CDH3: variants seen among roughly 807,000 people sequenced by gnomAD.
CDH3 encodes the protein cadherin 3.
A neutral mutation model predicts 82.0 loss-of-function variants in CDH3; 54 were observed. That is an observed-to-expected ratio of 0.66 (90% CI 0.53 to 0.83). The LOEUF (loss-of-function observed/expected upper bound fraction) is 0.83, where lower values mean the gene tolerates loss of function less well. Ranked by LOEUF, CDH3 falls within the 40% of genes least tolerant of loss-of-function variation. The pLI is 0.00. For synonymous variants in CDH3, 446 were observed against 437.9 expected (o/e 1.02, Z -0.23); for missense variants, 1,054 against 1,084.6 (o/e 0.97, Z 0.40).
At position 68,699,032 on chromosome 16, in the gene CDH3, T is replaced by C. The variant is rs540951746; in HGVS notation, c.*632T>C. On this transcript the variant is annotated 3_prime_UTR_variant, in exon 16 of 16. Transcript: ENST00000264012. The stretch of plus-strand genomic sequence containing the variant: ...TAGAACTTTTTTATTAAAGAAACTT[T>C]TCCCAGAGGTGCCTGGGGAGTGAAC... The C allele has an allele frequency of 6.6e-6, 1 of 152,470 alleles. No homozygotes were observed. Among genetic ancestry groups the C allele is most frequent in the Non-Finnish European group, 1.5e-5 (1 of 68,124 alleles). 9.4% of individuals were successfully genotyped at this position (152,470 alleles called of 1,614,324 possible). A position where few individuals can be genotyped will look rare whatever the true frequency, so the allele number is the denominator to read the frequency against.
intron 1 of CDH3, among the ~76,000 whole-genome samples, chr16:68,717,527 C>T (rs896703732): frequency 6.6e-6 from 1 of 152,272 alleles, no homozygotes; most frequent in East Asian, 1.9e-4. Flanking sequence ...AATTCCAGCG[C>T]TTTGGGAGGC....
intron 13 of CDH3, among the ~76,000 whole-genome samples, chr16:68,694,312 CAAAAAAA>C (rs1162877121): frequency 1.3e-5 from 1 of 74,714 alleles, no homozygotes; most frequent in East Asian, 3.8e-4. Context: ...GACTCCCTCT[CAAAAAAA>C]AAAAAAAAAA....
chr16:68,673,694 GC>G (rs1049962797), intron 2 of CDH3, among the ~76,000 whole-genome samples: 4 of 152,168 alleles, frequency 2.6e-5, no homozygotes, highest in African/African-American at 9.7e-5. Context: ...GGGAGGCCAG[GC>G]GGGTGGATTG....
chr16:68,729,074 G>A (rs572670777), downstream of CDH3, among the ~76,000 whole-genome samples: 1 of 152,242 alleles, frequency 6.6e-6, no homozygotes, highest in East Asian at 1.9e-4. Flanking sequence ...GGAGGCTGAG[G>A]CAGGCAGATC....
At chr16:68,709,995 C>T (rs1567462658) in intron 1 of CDH3, among the ~76,000 whole-genome samples, 1 of 152,252 alleles carries the variant, frequency 6.6e-6, no homozygotes, top group Non-Finnish European at 1.5e-5. Flanking sequence ...TTCCCCGTTT[C>T]CCCCAGATCC....
At chr16:68,648,141 A>G (rs1333631508) in intron 2 of CDH3, among the ~76,000 whole-genome samples, 2 of 152,168 alleles carry the variant, frequency 1.3e-5, no homozygotes, top group African/African-American at 4.8e-5. Context: ...GAAACCCCAT[A>G]GTCTAGCCTT....
downstream of CDH3, among the ~76,000 whole-genome samples, chr16:68,731,047 A>AATATATATATATATATATATATATATAT (rs1212223808): frequency 7.6e-5 from 2 of 26,344 alleles, no homozygotes; most frequent in Non-Finnish European, 1.3e-4. Context: ...AAAAAAAAAA[A>AATATATATATATATATATATATATATAT]ATATATATAT....
downstream of CDH3, among the ~76,000 whole-genome samples, chr16:68,702,941 C>G (rs1417179743): frequency 1.3e-5 from 2 of 152,140 alleles, no homozygotes; most frequent in African/African-American, 4.8e-5. Context: ...CTCATCCTCC[C>G]AGCTTGTATT....
At chr16:68,674,276 A>G (rs1397419071) in intron 2 of CDH3, among the ~76,000 whole-genome samples, 1 of 152,092 alleles carries the variant, frequency 6.6e-6, no homozygotes, top group Admixed American at 6.6e-5. Flanking sequence ...GCATTTCCCT[A>G]TTAACTAATG....
At chr16:68,713,171 T>C (rs1962051111) in intron 1 of CDH3, among the ~76,000 whole-genome samples, 1 of 152,142 alleles carries the variant, frequency 6.6e-6, no homozygotes, top group African/African-American at 2.4e-5. Context: ...ACATTTTAAA[T>C]GTTGATCTAT....
At chr16:68,653,437 A>G (rs1960308112) in intron 2 of CDH3, among the ~76,000 whole-genome samples, 1 of 151,820 alleles carries the variant, frequency 6.6e-6, no homozygotes, top group Non-Finnish European at 1.5e-5. Flanking sequence ...GGGTTTCTCC[A>G]TGTGGGTCAG....
At chr16:68,717,500 C>T (rs747478627) in intron 1 of CDH3, among the ~76,000 whole-genome samples, 4 of 152,220 alleles carry the variant, frequency 2.6e-5, no homozygotes, top group African/African-American at 4.8e-5. Context: ...AGGCCGAGCG[C>T]GGTGGCTCAC....
intron 1 of CDH3, among the ~76,000 whole-genome samples, chr16:68,721,880 A>G (rs770896209): frequency 3.4e-4 from 51 of 152,120 alleles, no homozygotes; most frequent in Non-Finnish European, 4.9e-4. Context: ...ACTTGACGTC[A>G]GGAGTTCGAG....
Position 68,698,351 on chromosome 16 carries a change from G to C in CDH3, c.2441G>C (p.Ser814Thr). Residue 814 changes from serine to threonine, a missense_variant, in exon 16 of 16, where the codon AGC (serine) becomes ACC (threonine). Physicochemically the swap from Ser to Thr is moderately conservative, Grantham distance 58. Transcript: ENST00000264012. Reference protein sequence around the residue: ...QDYDYLNEWGSRFKKLADMYG... With the variant: ...QDYDYLNEWGTRFKKLADMYG... ...TACGATTATCTGAACGAGTGGGGCA[G>C]CCGCTTCAAGAAGCTGGCAGACATG... The C allele has an allele frequency of 6.2e-7, 1 of 1,614,238 alleles. No individual in the cohort carries two copies. Among genetic ancestry groups the C allele is most frequent in the Non-Finnish European group, 8.5e-7 (1 of 1,180,032 alleles).
At chr16:68,717,240 A>G (rs1450579230) in intron 1 of CDH3, among the ~76,000 whole-genome samples, 1 of 152,198 alleles carries the variant, frequency 6.6e-6, no homozygotes, top group East Asian at 1.9e-4. Flanking sequence ...TCATGATTAG[A>G]TAAATTAAAA....
intron 1 of CDH3, among the ~76,000 whole-genome samples, chr16:68,718,593 A>C (rs1449487850): frequency 6.6e-6 from 1 of 151,994 alleles, no homozygotes; most frequent in African/African-American, 2.4e-5. Flanking sequence ...GAGACAACAA[A>C]ATCGCTTGAA....
intron 3 of CDH3, among the ~76,000 whole-genome samples, chr16:68,677,055 A>C (rs544721765): frequency 2.0e-5 from 3 of 152,324 alleles, no homozygotes; most frequent in African/African-American, 7.2e-5. Flanking sequence ...TATAGTCTAT[A>C]CTTACATGTG....
At chr16:68,717,439 T>C (rs138771150) in intron 1 of CDH3, among the ~76,000 whole-genome samples, 1 of 152,278 alleles carries the variant, frequency 6.6e-6, no homozygotes, top group Non-Finnish European at 1.5e-5. Flanking sequence ...TGAAATTTAG[T>C]TGTCAGTGTA....
In CDH3 at chr16:68,698,576, G is replaced by A; in HGVS notation, c.*176G>A. ...GGTGGCTTCCTTAGCCTTTCAGGATGGAGGAATGTGGGCAGTTTGACTTCA... is the reference window on the plus strand; with the variant it reads ...GGTGGCTTCCTTAGCCTTTCAGGATAGAGGAATGTGGGCAGTTTGACTTCA... On this transcript the variant is annotated 3_prime_UTR_variant, in exon 16 of 16. Coordinates refer to ENST00000264012, the MANE Select transcript of CDH3 (RefSeq NM_001793.6). 1.6e-6 allele frequency: 1 copy of A among 620,536 alleles called. No homozygotes were observed. Among genetic ancestry groups the A allele is most frequent in the Non-Finnish European group, 2.8e-6 (1 of 351,296 alleles). 38.4% of individuals were successfully genotyped at this position (620,536 alleles called of 1,614,324 possible).
Sources: allele counts gnomAD v4.1 joint callset (sites outside exome capture counted in the v4.1 genomes callset), GRCh38; gene constraint gnomAD v4.1.1; transcripts MANE v1.5; gene names NCBI Gene and HGNC (gene_info 2026-07-23, HGNC 2026-07-21).